Variants in MYBPC2 observed in about 807,000 individuals in gnomAD.
MYBPC2 encodes myosin binding protein C2.
Under a neutral mutation model 137.0 loss-of-function variants are expected in MYBPC2, and 122 were observed. The ratio of observed to expected loss-of-function variants is 0.89; its 90% CI spans 0.77 to 1.03. MYBPC2 has a LOEUF of 1.03. Among genes scored for constraint, MYBPC2 ranks in the 50% least tolerant of loss-of-function variants. MYBPC2 has a pLI of 0.00. For synonymous variants in MYBPC2, 626 were observed against 612.3 expected, an observed-to-expected ratio of 1.02 and a Z score of -0.33; for missense variants, 1,500 against 1,534.4, an observed-to-expected ratio of 0.98 and a Z score of 0.37.
At chr19:50,452,152 T>TACCTGTGATGGACAAA in intron 16 of MYBPC2, 149 bp downstream of exon 16, 2 of 906,106 alleles carry the variant, frequency 2.2e-6, no homozygotes, top group Non-Finnish European at 3.3e-6. Flanking sequence ...TGTTTGTCCA[T>TACCTGTGATGGACAAA]CACAGGTATG....
At chr19:50,453,654 C>T (rs1469627778) in intron 16 of MYBPC2, among the ~76,000 whole-genome samples, 3 of 152,006 alleles carry the variant, frequency 2.0e-5, no homozygotes, top group Non-Finnish European at 2.9e-5. Context: ...GATTCTTCTG[C>T]CTCAGCCTCC....
At chr19:50,450,562 C>A (rs2039846483) in intron 13 of MYBPC2, among the ~76,000 whole-genome samples, 1 of 152,166 alleles carries the variant, frequency 6.6e-6, no homozygotes, top group Admixed American at 6.5e-5. Context: ...AGCCACTGCA[C>A]CTTTCTCGAT....
intron 16 of MYBPC2, 42 bp downstream of exon 16, chr19:50,452,045 T>C: frequency 6.5e-7 from 1 of 1,533,826 alleles, no homozygotes; most frequent in South Asian, 1.2e-5. Context: ...CCTTTCCGTT[T>C]AGGCAAGTCT....
chr19:50,447,174 T>C (rs2039813843), intron 12 of MYBPC2, among the ~76,000 whole-genome samples: 1 of 151,440 alleles, frequency 6.6e-6, no homozygotes, highest in African/African-American at 2.4e-5. Context: ...AAAACATAAG[T>C]GAGATGGTGA....
rs2039716737 is a variant in MYBPC2 at position 50,437,714 on chromosome 19, A to C, written c.568A>C (p.Lys190Gln). The C allele has an allele frequency of 6.2e-7, 1 of 1,602,548 alleles. No individual in the cohort carries two copies. The highest frequency in any genetic ancestry group is 8.5e-7 in the Non-Finnish European group (1 of 1,174,510). The change falls in exon 7 of 28, where the codon AAG (lysine) becomes CAG (glutamine). Residue 190 changes from lysine to glutamine, a missense_variant. Transcript: ENST00000357701. The stretch of plus-strand genomic sequence containing the variant: ...GCTGGATTTCAGTGGCCTGTTGAAG[A>C]AGAGGTGAGCCCCGGACTTGGCACA... ...GELDFSGLLK[K>Q]REVVEEEKKK...
chr19:50,439,818 C>G (rs1215104849), intron 7 of MYBPC2, among the ~76,000 whole-genome samples: 1 of 152,208 alleles, frequency 6.6e-6, no homozygotes, highest in Non-Finnish European at 1.5e-5. Flanking sequence ...AGAGAGGGTC[C>G]CACCGGGGCC....
chr19:50,456,389 CATCCATCCATCCATCT>C (rs1568666730), intron 20 of MYBPC2, among the ~76,000 whole-genome samples: 3 of 148,168 alleles, frequency 2.0e-5, no homozygotes, highest in Non-Finnish European at 4.5e-5. Context: ...TCCATCCATC[CATCCATCCATCCATCT>C]GTCCATATTT....
At position 50,455,561 on chromosome 19, in the gene MYBPC2, C is replaced by T. The variant is rs1237980803; in HGVS notation, c.2255C>T (p.Thr752Ile). ...ATAGTGGAGGATGTGACAGACACCA[C>T]CACCACACTCAAGTGGAGGCCTCCG... ...HLIVEDVTDTTTTLKWRPPNR... is the reference protein window; with the variant it reads ...HLIVEDVTDTITTLKWRPPNR... The change falls in exon 20 of 28, where the codon ACC (threonine) becomes ATC (isoleucine). Residue 752 changes from threonine (T) to isoleucine (I), a missense_variant. Coordinates refer to ENST00000357701, the MANE Select transcript of MYBPC2 (RefSeq NM_004533.4). 10 of 1,613,886 alleles carry T rather than the reference C, an allele frequency of 6.2e-6. No homozygotes were observed. The highest frequency in any genetic ancestry group is 3.3e-5 in the Admixed American group (2 of 60,004).
intron 13 of MYBPC2, among the ~76,000 whole-genome samples, chr19:50,448,777 CTTTTTTT>C (rs71182719): frequency 8.1e-6 from 1 of 123,734 alleles, no homozygotes; most frequent in Non-Finnish European, 1.7e-5. Flanking sequence ...TTTCTTTTTC[CTTTTTTT>C]TTTTTTTTTG....
In MYBPC2 at chr19:50,451,997, A is replaced by G. The variant is rs1391620369; in HGVS notation, c.1743A>G (p.Gly581=). The G allele has an allele frequency of 6.4e-7, 1 of 1,552,258 alleles. No homozygotes were observed. Among genetic ancestry groups the G allele is most frequent in the Admixed American group, 2.0e-5 (1 of 51,002 alleles). The change falls in exon 16 of 28, where the codon GGA becomes GGG. Residue 581 remains glycine (G), a synonymous_variant. Coordinates refer to ENST00000357701, the MANE Select transcript of MYBPC2 (RefSeq NM_004533.4). The stretch of plus-strand genomic sequence containing the variant: ...CTCCCGTCGCTACCTGGCTGAAGGG[A>G]GATGAGGTGGGTTGGGGCCGCCCCT... ...EPPPVATWLK[G]DEVFTTTEGR... is the part of the protein sequence containing the mutation.
At position 50,436,527 on chromosome 19, in the gene MYBPC2, G is replaced by T. The variant is rs1052304986; in HGVS notation, c.346-90G>T. Reference sequence around the variant, plus strand: ...CCCCCTGTGGGGTGGGGGTGAGGACGTGGAGATAGAGCTATGAGTGGACTC... The same window carrying T: ...CCCCCTGTGGGGTGGGGGTGAGGACTTGGAGATAGAGCTATGAGTGGACTC... On this transcript the variant is annotated intron_variant, in intron 4 of 27. Transcript: ENST00000357701. 3 of 1,185,146 alleles carry T rather than the reference G, an allele frequency of 2.5e-6. No individual in the cohort carries two copies. In the African/African-American group the frequency reaches 4.5e-5, roughly 18 times the overall value. 73.4% of individuals were successfully genotyped at this position (1,185,146 alleles called of 1,614,324 possible).
chr19:50,451,435 G>T, intron 15 of MYBPC2, 126 bp downstream of exon 15: 1 of 901,084 alleles, frequency 1.1e-6, no homozygotes. Flanking sequence ...GAGGATGAGT[G>T]GGGAGAGGAA....
chr19:50,446,019 G>A lies in MYBPC2; in HGVS notation c.1273G>A (p.Gly425Ser). 1.2e-6 allele frequency: 2 copies of A among 1,613,410 alleles called. No individual in the cohort carries two copies. The highest frequency in any genetic ancestry group is 2.2e-5 in the East Asian group (1 of 44,870). ...GGGTCGCTATCAGGTCATAACCAAT[G>A]GCGGCCAGTGTGAGGCCGAGCTGAT... ...DRGRYQVITN[G>S]GQCEAELIVE... Residue 425 changes from glycine to serine, a missense_variant, in exon 12 of 28, where the codon GGC becomes AGC. Transcript: ENST00000357701.
intron 7 of MYBPC2, 34 bp downstream of exon 7, chr19:50,437,752 G>C: frequency 6.3e-7 from 1 of 1,577,720 alleles, no homozygotes; most frequent in Admixed American, 1.8e-5. Flanking sequence ...GAGGGGAGAT[G>C]GGACTCAAGG....
chr19:50,445,394 CTTT>C (rs1256768181), intron 11 of MYBPC2, among the ~76,000 whole-genome samples: 4 of 137,416 alleles, frequency 2.9e-5, no homozygotes, highest in Non-Finnish European at 4.8e-5. Flanking sequence ...TCCTCACTGC[CTTT>C]TTTTTTTTTT....
rs2122624406 is a variant in MYBPC2, at chr19:50,464,514, T to A, written c.3397T>A (p.Cys1133Ser). 6.2e-7 allele frequency: 1 copy of A among 1,610,166 alleles called. No homozygotes were observed. The highest frequency in any genetic ancestry group is 1.1e-5 in the South Asian group (1 of 90,636). Residue 1133 changes from cysteine (C) to serine (S), a missense_variant, in exon 27 of 28, where the codon TGC (cysteine) becomes AGC (serine). Cys to Ser is a moderately radical substitution (Grantham distance 112). Coordinates refer to ENST00000357701, the MANE Select transcript of MYBPC2 (RefSeq NM_004533.4). ...VNELGEALAE[C>S]KLEVRVPQ ...CGAGCTGGGCGAGGCGCTGGCTGAG[T>A]GCAAGCTGGAGGTCCGAGGTGAGGG...
At position 50,443,490 on chromosome 19, in the gene MYBPC2, T is replaced by A. The variant is rs1182506587; in HGVS notation, c.903-4T>A. The A allele has an allele frequency of 6.2e-7, 1 of 1,612,608 alleles. No individual in the cohort carries two copies. The highest frequency in any genetic ancestry group is 1.3e-5 in the African/African-American group (1 of 74,992). The stretch of plus-strand genomic sequence containing the variant: ...CCTGGTTTGAGGTGAGACTTTTGAA[T>A]CAGGTACGTGTTTGAGAACGTTGGT... On this transcript the variant is annotated splice_region_variant and splice_polypyrimidine_tract_variant and intron_variant, in intron 9 of 27. Transcript: ENST00000357701.
At position 50,436,025 on chromosome 19, in the gene MYBPC2, G is replaced by A; in HGVS notation, c.210G>A (p.Val70=). 1 of 1,581,306 alleles carries A rather than the reference G, an allele frequency of 6.3e-7. No homozygotes were observed. The highest frequency in any genetic ancestry group is 8.6e-7 in the Non-Finnish European group (1 of 1,163,484). ...CACCCCATGTAGGGAAGGACGCAGTGGTCGTGGCCAAGGTGAACGGGAAGG... is the reference window on the plus strand; with the variant it reads ...CACCCCATGTAGGGAAGGACGCAGTAGTCGTGGCCAAGGTGAACGGGAAGG... ...SVSVETGKDA[V]VVAKVNGKEL... is the part of the protein sequence containing the mutation. Residue 70 remains valine, a synonymous_variant, in exon 4 of 28, where the codon GTG becomes GTA. Transcript: ENST00000357701.
intron 24 of MYBPC2, 50 bp downstream of exon 24, chr19:50,460,229 C>G: frequency 1.9e-6 from 3 of 1,551,148 alleles, no homozygotes; most frequent in Non-Finnish European, 2.6e-6. Flanking sequence ...GTGGGCAGAG[C>G]AGGTGCAGAT....
Sources: gnomAD v4.1 joint callset for allele counts (sites outside exome capture counted in the v4.1 genomes callset) on GRCh38, gnomAD v4.1.1 for gene constraint, MANE v1.5 for transcripts, NCBI Gene and HGNC (gene_info 2026-07-23, HGNC 2026-07-21) for gene names.